RAP1A: variants seen among roughly 807,000 people sequenced by gnomAD.
The protein encoded by RAP1A is RAP1A, member of RAS oncogene family.
Under a neutral mutation model 26.4 loss-of-function variants are expected in RAP1A, and 6 were observed. That is an observed-to-expected ratio of 0.23 (90% CI 0.12 to 0.45). The LOEUF (loss-of-function observed/expected upper bound fraction) is 0.45, where lower values mean the gene tolerates loss of function less well. Among genes scored for constraint, RAP1A ranks in the 20% least tolerant of loss-of-function variants. The pLI, the probability that RAP1A is intolerant of heterozygous loss-of-function variation, is 0.99. For missense variants in RAP1A, 121 were observed against 217.2 expected, an observed-to-expected ratio of 0.56 and a Z score of 2.78; for synonymous variants, 73 against 79.4, an observed-to-expected ratio of 0.92 and a Z score of 0.43.
At chr1:111,556,715 TGG>T (rs1004643513) in intron 1 of RAP1A, among the ~76,000 whole-genome samples, 17 of 152,020 alleles carry the variant, frequency 1.1e-4, no homozygotes, top group African/African-American at 4.1e-4. Flanking sequence ...GAAAGTATAA[TGG>T]GTTGCCAGGG....
chr1:111,639,216 C>T (rs1404180398), intron 1 of RAP1A, among the ~76,000 whole-genome samples: 1 of 152,082 alleles, frequency 6.6e-6, no homozygotes, highest in Non-Finnish European at 1.5e-5. Flanking sequence ...CTGTAGTTCT[C>T]TACTTATACC....
intron 1 of RAP1A, among the ~76,000 whole-genome samples, chr1:111,579,013 A>C (rs7553700): frequency 1.3e-5 from 2 of 152,314 alleles, no homozygotes; most frequent in South Asian, 4.1e-4. Flanking sequence ...GACGAAGAGA[A>C]GCACAGGGCA....
In RAP1A at chr1:111,619,931, G is replaced by C. The variant is rs1659129764; in HGVS notation, c.-31G>C. 7.5e-6 allele frequency: 3 copies of C among 398,386 alleles called. No homozygotes were observed. The Admixed American group carries it at 1.3e-4, about 18-fold the overall frequency. The allele number at this position is 398,386 out of a possible 1,614,324, so 24.7% of individuals were successfully genotyped here. On this transcript the variant is annotated 5_prime_UTR_variant, in exon 1 of 8. Coordinates refer to ENST00000369709, the MANE Select transcript of RAP1A (RefSeq NM_002884.4). The stretch of plus-strand genomic sequence containing the variant: ...GGAGGTGGAGGAGGCGCCGGACCGG[G>C]GGGGTGAGTAAGGGGCGGGGAGCTC...
chr1:111,709,334 CT>C, intron 7 of RAP1A, 70 bp downstream of exon 7: 1 of 1,415,842 alleles, frequency 7.1e-7, no homozygotes, highest in Non-Finnish European at 9.3e-7. Flanking sequence ...ACTTTAGCTA[CT>C]TCCCATTTCA....
intron 1 of RAP1A, among the ~76,000 whole-genome samples, chr1:111,628,249 G>A (rs965823854): frequency 2.6e-5 from 4 of 152,102 alleles, no homozygotes; most frequent in Non-Finnish European, 5.9e-5. Context: ...TCTCATTTTT[G>A]TGTTTCTGTT....
intron 1 of RAP1A, among the ~76,000 whole-genome samples, chr1:111,556,338 G>A (rs79515540): frequency 0.026 from 3,951 of 152,212 alleles, 153 homozygotes; most frequent in African/African-American, 0.09. Flanking sequence ...ATGTAAAATT[G>A]TACAAGTGCT....
intron 1 of RAP1A, among the ~76,000 whole-genome samples, chr1:111,688,822 GTTTTTTTT>G (rs767753356): frequency 0.12 from 10,946 of 90,124 alleles, 490 homozygotes; most frequent in African/African-American, 0.21. Context: ...TTTTTTTTTT[GTTTTTTTT>G]TTTGTTTTTT....
At chr1:111,615,601 G>A (rs1021178290), upstream of RAP1A, among the ~76,000 whole-genome samples, 3 of 152,098 alleles carry the variant, frequency 2.0e-5, no homozygotes, top group Admixed American at 6.5e-5. Context: ...GGGAGGCTGA[G>A]GCAGGCAGAT....
intron 1 of RAP1A, among the ~76,000 whole-genome samples, chr1:111,587,823 C>T (rs980734412): frequency 3.3e-5 from 5 of 152,208 alleles, no homozygotes; most frequent in Non-Finnish European, 5.9e-5. Flanking sequence ...GACCCCTCTA[C>T]AGTATTTAAT....
intron 1 of RAP1A, among the ~76,000 whole-genome samples, chr1:111,637,014 A>G (rs1304788736): frequency 2.0e-5 from 3 of 152,112 alleles, no homozygotes; most frequent in Non-Finnish European, 4.4e-5. Flanking sequence ...TTGCAGAAAT[A>G]CTGATTTTAT....
chr1:111,595,292 T>C (rs1237432838), intron 1 of RAP1A, among the ~76,000 whole-genome samples: 1 of 152,168 alleles, frequency 6.6e-6, no homozygotes. Context: ...GAGGAACCTA[T>C]AGGACAATCA....
chr1:111,560,948 G>C (rs1396631954), intron 1 of RAP1A, among the ~76,000 whole-genome samples: 1 of 152,176 alleles, frequency 6.6e-6, no homozygotes, highest in East Asian at 1.9e-4. Context: ...ATCTCTGGCT[G>C]GTCCAGAAGT....
At chr1:111,583,474 A>AT (rs1658301907) in intron 1 of RAP1A, among the ~76,000 whole-genome samples, 1 of 151,708 alleles carries the variant, frequency 6.6e-6, no homozygotes, top group Non-Finnish European at 1.5e-5. Context: ...CCATTCAAAA[A>AT]AAAAAAAATA....
intron 1 of RAP1A, among the ~76,000 whole-genome samples, chr1:111,590,945 G>C (rs1557859433): frequency 6.6e-6 from 1 of 152,166 alleles, no homozygotes; most frequent in Non-Finnish European, 1.5e-5. Context: ...ATCTGGAATA[G>C]ATCATATAAG....
chr1:111,585,099 G>C (rs1050627824), intron 1 of RAP1A, among the ~76,000 whole-genome samples: 1 of 152,170 alleles, frequency 6.6e-6, no homozygotes, highest in Admixed American at 6.5e-5. Context: ...TTCCATCGTG[G>C]CTTCATCAAT....
chr1:111,551,871 T>C (rs1657276017), intron 1 of RAP1A, among the ~76,000 whole-genome samples: 1 of 152,194 alleles, frequency 6.6e-6, no homozygotes, highest in Non-Finnish European at 1.5e-5. Flanking sequence ...CTTCACTTAC[T>C]GTTTGCTCAG....
At chr1:111,620,038 C>T (rs1389236257) in intron 1 of RAP1A, 104 bp downstream of exon 1, 2 of 394,754 alleles carry the variant, frequency 5.1e-6, no homozygotes, top group Non-Finnish European at 8.9e-6. Flanking sequence ...AGTCGCCTGG[C>T]TCCCCCTTCC....
At chr1:111,672,839 A>G (rs1266594914) in intron 1 of RAP1A, among the ~76,000 whole-genome samples, 2 of 152,164 alleles carry the variant, frequency 1.3e-5, no homozygotes, top group Non-Finnish European at 2.9e-5. Context: ...CAATATGTTC[A>G]GGTGCAAGAA....
At chr1:111,650,938 A>C (rs1007451298) in intron 1 of RAP1A, among the ~76,000 whole-genome samples, 2 of 152,140 alleles carry the variant, frequency 1.3e-5, no homozygotes, top group East Asian at 1.9e-4. Context: ...AGTAGCTGGG[A>C]CTACAGGCAC....
Sources: gnomAD v4.1 joint callset for allele counts (sites outside exome capture counted in the v4.1 genomes callset) on GRCh38, gnomAD v4.1.1 for gene constraint, MANE v1.5 for transcripts, NCBI Gene and HGNC (gene_info 2026-07-23, HGNC 2026-07-21) for gene names.